Variants in CMSS1 observed in about 807,000 individuals in gnomAD.
CMSS1 encodes protein CMSS1.
Under a neutral mutation model 43.5 loss-of-function variants are expected in CMSS1, and 33 were observed. The ratio of observed to expected loss-of-function variants is 0.76; its 90% CI spans 0.57 to 1.01. The LOEUF (loss-of-function observed/expected upper bound fraction) is 1.01. Ranked by LOEUF, CMSS1 falls within the 50% of genes least tolerant of loss-of-function variation. The probability of loss-of-function intolerance (pLI) is 0.00; values close to 1 mark genes in which losing one functional copy is unlikely to be tolerated. For missense variants in CMSS1, 313 were observed against 326.4 expected (o/e 0.96, Z 0.32); for synonymous variants, 115 against 117.2 (o/e 0.98, Z 0.12).
intron 1 of CMSS1, among the ~76,000 whole-genome samples, chr3:99,887,627 A>G (rs1468929298): frequency 2.0e-5 from 3 of 152,252 alleles, no homozygotes; most frequent in African/African-American, 7.2e-5. Context: ...GCAGTTTTAA[A>G]TGAATCATGG....
chr3:100,117,825 G>GTATATATATA (rs1166983737), intron 1 of CMSS1, among the ~76,000 whole-genome samples: 25 of 75,160 alleles, frequency 3.3e-4, no homozygotes, highest in South Asian at 8.7e-4. Flanking sequence ...ATAAACTGCA[G>GTATATATATA]TATATATATA....
At position 99,920,145 on chromosome 3, in the gene CMSS1, C is replaced by A. The variant is rs572313392; in HGVS notation, c.64+102102C>A. Among the ~76,000 whole-genome samples the A allele has an allele frequency of 1.2e-4, 18 of 152,260 alleles. No homozygotes were observed. In the South Asian group the frequency reaches 3.5e-3, roughly 30 times the overall value. ...ATACAGAGCTGCCATAACAATATTT[C>A]TTTCCTGCTTTAGTTGTTGTTTCAA... On this transcript the variant is annotated intron_variant, in intron 1 of 9. Transcript: ENST00000421999.
intron 1 of CMSS1, among the ~76,000 whole-genome samples, chr3:100,053,006 G>A (rs186587412): frequency 5.3e-5 from 8 of 152,100 alleles, no homozygotes; most frequent in Admixed American, 1.3e-4. Flanking sequence ...GGAGTTGTTC[G>A]CCTGCTCTCC....
intron 1 of CMSS1, among the ~76,000 whole-genome samples, chr3:100,059,168 A>G (rs2065516569): frequency 6.6e-6 from 1 of 152,216 alleles, no homozygotes. Context: ...AGAAACATAT[A>G]CTTGGAGTTG....
At chr3:100,094,631 A>G (rs151150759) in intron 1 of CMSS1, among the ~76,000 whole-genome samples, 4 of 115,092 alleles carry the variant, frequency 3.5e-5, no homozygotes, top group African/African-American at 6.6e-5. Flanking sequence ...TTTTTTTCCT[A>G]TGGATGTCCA....
intron 1 of CMSS1, among the ~76,000 whole-genome samples, chr3:99,936,337 A>G (rs931694699): frequency 1.4e-5 from 1 of 71,142 alleles, no homozygotes; most frequent in Non-Finnish European, 2.9e-5. Flanking sequence ...TAACTCATTT[A>G]TTTTGCAGAG....
intron 1 of CMSS1, among the ~76,000 whole-genome samples, chr3:99,922,895 G>C (rs1707168797): frequency 6.6e-6 from 1 of 152,054 alleles, no homozygotes; most frequent in African/African-American, 2.4e-5. Context: ...TTAAAGCATT[G>C]CAATTTGGCT....
intron 1 of CMSS1, among the ~76,000 whole-genome samples, chr3:99,880,134 A>G (rs1705673915): frequency 6.6e-6 from 1 of 152,178 alleles, no homozygotes; most frequent in African/African-American, 2.4e-5. Flanking sequence ...CCTGTAGGCA[A>G]CTGTGAATGT....
At chr3:99,935,269 A>AAG (rs1553698289) in intron 1 of CMSS1, among the ~76,000 whole-genome samples, 1 of 151,512 alleles carries the variant, frequency 6.6e-6, no homozygotes, top group Non-Finnish European at 1.5e-5. Context: ...GGGTACCAAA[A>AAG]AAAAAAAAAG....
In CMSS1 at chr3:99,876,180, G is replaced by A. The variant is rs1705508768; in HGVS notation, c.64+58137G>A. On this transcript the variant is annotated intron_variant, in intron 1 of 9. Coordinates refer to ENST00000421999, the MANE Select transcript of CMSS1 (RefSeq NM_032359.4). ...AGAGTCGCCCGAACAATGCGAGCGG[G>A]GCGCTGAGCGCGCCCGGCCTATGGG... 5 of 985,348 alleles carry A rather than the reference G, an allele frequency of 5.1e-6. No homozygotes were observed. The South Asian group carries it at 2.3e-4, about 46-fold the overall frequency. The allele number at this position is 985,348 out of a possible 1,614,324, so 61.0% of individuals were successfully genotyped here.
At chr3:99,979,382 A>G (rs6784150) in intron 1 of CMSS1, among the ~76,000 whole-genome samples, 1,779 of 152,346 alleles carry the variant, frequency 0.012, 19 homozygotes, top group African/African-American at 0.026. Flanking sequence ...TTAACCAAGC[A>G]TATCACAGTA....
chr3:100,133,504 A>T (rs1170739905), intron 1 of CMSS1, among the ~76,000 whole-genome samples: 1 of 152,078 alleles, frequency 6.6e-6, no homozygotes, highest in African/African-American at 2.4e-5. Flanking sequence ...CTCCACAATG[A>T]ATATGTACTA....
chr3:99,951,488 T>C (rs1708175660), intron 1 of CMSS1, among the ~76,000 whole-genome samples: 1 of 152,198 alleles, frequency 6.6e-6, no homozygotes, highest in Non-Finnish European at 1.5e-5. Flanking sequence ...GATTTTGTTT[T>C]AGTCCAGTCT....
intron 1 of CMSS1, among the ~76,000 whole-genome samples, chr3:99,900,045 G>A (rs1347404822): frequency 6.6e-6 from 1 of 152,196 alleles, no homozygotes; most frequent in Non-Finnish European, 1.5e-5. Flanking sequence ...AAATATAAAT[G>A]TATGTGAAAG....
At chr3:100,081,777 T>TTTC (rs986495333) in intron 1 of CMSS1, among the ~76,000 whole-genome samples, 1 of 152,214 alleles carries the variant, frequency 6.6e-6, no homozygotes, top group African/African-American at 2.4e-5. Context: ...TCTTAGTTGT[T>TTTC]TTAGAGCCAG....
chr3:99,822,852 A>G (rs1308480250), intron 1 of CMSS1, among the ~76,000 whole-genome samples: 2 of 152,200 alleles, frequency 1.3e-5, no homozygotes, highest in African/African-American at 4.8e-5. Context: ...TAATCTTCCC[A>G]AGTACACCAG....
At chr3:100,025,075 A>T (rs2107241788) in intron 1 of CMSS1, among the ~76,000 whole-genome samples, 1 of 152,294 alleles carries the variant, frequency 6.6e-6, no homozygotes, top group South Asian at 2.1e-4. Context: ...ATTCTTCCTG[A>T]TAATAAAACA....
At chr3:100,019,678 C>T (rs1280787327) in intron 1 of CMSS1, among the ~76,000 whole-genome samples, 1 of 152,026 alleles carries the variant, frequency 6.6e-6, no homozygotes, top group Non-Finnish European at 1.5e-5. Context: ...ATGTAAAACT[C>T]TTCTCTTTTT....
At chr3:100,166,499 T>C in intron 5 of CMSS1, 105 bp downstream of exon 5, 2 of 708,818 alleles carry the variant, frequency 2.8e-6, no homozygotes, top group Admixed American at 2.3e-5. Flanking sequence ...CATTAGGCCA[T>C]TATTGCTCTA....
Sources: allele counts gnomAD v4.1 joint callset (sites outside exome capture counted in the v4.1 genomes callset), GRCh38; gene constraint gnomAD v4.1.1; transcripts MANE v1.5; gene names NCBI Gene and HGNC (gene_info 2026-07-23, HGNC 2026-07-21).